Variants in FAM78B observed in about 807,000 individuals in gnomAD.
The protein encoded by FAM78B is protein FAM78B.
FAM78B carries 10 observed loss-of-function variants against 20.0 expected under a neutral mutation model. That is an observed-to-expected ratio of 0.50 (90% CI 0.31 to 0.85). The LOEUF is 0.85. Ranked by LOEUF, FAM78B falls within the 40% of genes least tolerant of loss-of-function variation. FAM78B has a pLI of 0.05. For synonymous variants in FAM78B, 135 were observed against 132.8 expected (o/e 1.02, Z -0.12); for missense variants, 283 against 345.0 (o/e 0.82, Z 1.42).
intron 1 of FAM78B, among the ~76,000 whole-genome samples, chr1:166,073,919 A>G (rs954302421): frequency 6.6e-6 from 1 of 152,160 alleles, no homozygotes; most frequent in Non-Finnish European, 1.5e-5. Context: ...ATTTTGCCCC[A>G]TAAGTGATAC....
chr1:166,060,165 C>G (rs1651527828), exon 3 of FAM78B: 1 of 184,408 alleles, frequency 5.4e-6, no homozygotes, highest in Middle Eastern at 2.6e-3. Flanking sequence ...CTAGAGAGGC[C>G]ACCCACATGG....
chr1:166,102,014 G>T (rs1230517144), intron 1 of FAM78B, among the ~76,000 whole-genome samples: 5 of 152,206 alleles, frequency 3.3e-5, no homozygotes, highest in Non-Finnish European at 7.3e-5. Context: ...TGAACTCTCG[G>T]CAGAAACTCT....
chr1:166,100,511 G>A lies in FAM78B; in HGVS notation c.264-29748C>T, dbSNP rs192038996. ...TCCCACCCTAATACTGTGCTTTTCC[G>A]ATGGTCTTAGCAGACAGCACACCAG... On this transcript the variant is annotated intron_variant, in intron 1 of 1. Coordinates refer to ENST00000354422, the MANE Select transcript of FAM78B (RefSeq NM_001017961.5). Among the ~76,000 whole-genome samples, 502 of 152,318 alleles carry A rather than the reference G, an allele frequency of 3.3e-3. 4 individuals carry two copies. Among genetic ancestry groups the A allele is most frequent in the South Asian group, 6.0e-3 (29 of 4,826 alleles).
chr1:166,105,853 T>C (rs931656331), intron 1 of FAM78B, among the ~76,000 whole-genome samples: 3 of 151,846 alleles, frequency 2.0e-5, no homozygotes, highest in African/African-American at 7.2e-5. Flanking sequence ...ATCCCATTAC[T>C]GGGTATATAC....
At chr1:166,089,916 C>T (rs984773881) in intron 1 of FAM78B, among the ~76,000 whole-genome samples, 7 of 152,272 alleles carry the variant, frequency 4.6e-5, no homozygotes, top group East Asian at 1.9e-4. Flanking sequence ...TGGCTGGCAG[C>T]GCTGCACAGA....
At chr1:166,091,153 T>C (rs1464187483) in intron 1 of FAM78B, among the ~76,000 whole-genome samples, 2 of 152,116 alleles carry the variant, frequency 1.3e-5, no homozygotes, top group African/African-American at 4.8e-5. Flanking sequence ...ACTACTTGTT[T>C]CTGTATTTCT....
intron 1 of FAM78B, among the ~76,000 whole-genome samples, chr1:166,081,407 G>C (rs557673238): frequency 6.6e-6 from 1 of 152,232 alleles, no homozygotes; most frequent in South Asian, 2.1e-4. Context: ...CTGAGGTCTG[G>C]GGTCGTTGGC....
intron 1 of FAM78B, among the ~76,000 whole-genome samples, chr1:166,127,868 T>C (rs1038441640): frequency 1.3e-5 from 2 of 152,150 alleles, no homozygotes. Flanking sequence ...TCACCTGCAA[T>C]AGCCCTGGTC....
At chr1:166,152,871 T>C (rs1655737326) in intron 1 of FAM78B, among the ~76,000 whole-genome samples, 1 of 151,876 alleles carries the variant, frequency 6.6e-6, no homozygotes, top group Non-Finnish European at 1.5e-5. Context: ...ACAGACGAGG[T>C]TTCACCATGT....
intron 1 of FAM78B, among the ~76,000 whole-genome samples, chr1:166,161,275 T>G (rs1656139047): frequency 6.6e-6 from 1 of 151,670 alleles, no homozygotes; most frequent in African/African-American, 2.4e-5. Flanking sequence ...GCCACCAGAG[T>G]AAATGGGTTT....
At chr1:166,096,240 G>A (rs1653269353) in intron 1 of FAM78B, among the ~76,000 whole-genome samples, 1 of 152,192 alleles carries the variant, frequency 6.6e-6, no homozygotes, top group South Asian at 2.1e-4. Context: ...TTGGATTTCA[G>A]CTCTCCCTTG....
intron 1 of FAM78B, among the ~76,000 whole-genome samples, chr1:166,162,047 G>GA (rs1432675086): frequency 6.6e-6 from 1 of 152,158 alleles, no homozygotes; most frequent in Non-Finnish European, 1.5e-5. Context: ...AGGAACAGCG[G>GA]AAAAATAGCA....
intron 1 of FAM78B, among the ~76,000 whole-genome samples, chr1:166,091,526 C>T (rs1428116286): frequency 1.3e-5 from 2 of 152,176 alleles, no homozygotes; most frequent in Admixed American, 6.5e-5. Context: ...CCTGTCCAGC[C>T]ATATGGAACT....
chr1:166,059,707 C>G (rs1651502165), exon 3 of FAM78B: 1 of 152,170 alleles, frequency 6.6e-6, no homozygotes, highest in Non-Finnish European at 1.5e-5. Context: ...ACAGTCAAGC[C>G]TCTGCTGATT....
chr1:166,064,064 G>A (rs912730701), intron 2 of FAM78B, among the ~76,000 whole-genome samples: 4 of 152,170 alleles, frequency 2.6e-5, no homozygotes, highest in Non-Finnish European at 1.5e-5. Flanking sequence ...TGGGGACAGG[G>A]AGCCCTTGGG....
chr1:166,166,244 C>A lies in FAM78B; in HGVS notation c.5G>T (p.Gly2Val). Residue 2 changes from glycine (G) to valine (V), a missense_variant, in exon 1 of 2, where the codon GGC becomes GTC. Gly to Val is a moderately radical substitution (Grantham distance 109). Coordinates refer to ENST00000354422, the MANE Select transcript of FAM78B (RefSeq NM_001017961.5). Reference sequence around the variant, plus strand: ...CTTGCAGGTGATGCTTTGGATACAGCCCATCCTGCAGCCCGGTGCCGGCAC... The same window carrying A: ...CTTGCAGGTGATGCTTTGGATACAGACCATCCTGCAGCCCGGTGCCGGCAC... M[G>V]CIQSITCKAR... 6.8e-7 allele frequency: 1 copy of A among 1,480,236 alleles called. No homozygotes were observed. Among genetic ancestry groups the A allele is most frequent in the Non-Finnish European group, 9.0e-7 (1 of 1,107,888 alleles). 91.7% of individuals were successfully genotyped at this position (1,480,236 alleles called of 1,614,324 possible).
chr1:166,131,404 C>A (rs1218479434), intron 1 of FAM78B, among the ~76,000 whole-genome samples: 1 of 152,114 alleles, frequency 6.6e-6, no homozygotes, highest in Non-Finnish European at 1.5e-5. Flanking sequence ...GTACACCAGG[C>A]AAAACTGCTC....
intron 1 of FAM78B, among the ~76,000 whole-genome samples, chr1:166,135,796 C>T (rs1221282122): frequency 6.6e-6 from 1 of 152,210 alleles, no homozygotes; most frequent in Non-Finnish European, 1.5e-5. Context: ...ACTTTGTCAA[C>T]TACGGAAGGG....
At chr1:166,120,187 T>G (rs1470929374) in intron 1 of FAM78B, among the ~76,000 whole-genome samples, 5 of 152,240 alleles carry the variant, frequency 3.3e-5, no homozygotes, top group African/African-American at 9.6e-5. Context: ...CATATGCCAT[T>G]TCTTTAAATC....
Sources: allele counts gnomAD v4.1 joint callset (sites outside exome capture counted in the v4.1 genomes callset), GRCh38; gene constraint gnomAD v4.1.1; transcripts MANE v1.5; gene names NCBI Gene and HGNC (gene_info 2026-07-23, HGNC 2026-07-21).